The following THEMIS variants were observed in gnomAD, a reference collection of about 807,000 sequenced individuals.
The protein encoded by THEMIS is thymocyte selection associated.
A neutral mutation model predicts 52.6 loss-of-function variants in THEMIS; 37 were observed. The ratio of observed to expected loss-of-function variants is 0.70; its 90% CI spans 0.54 to 0.93. The LOEUF (loss-of-function observed/expected upper bound fraction) is 0.93, where lower values mean the gene tolerates loss of function less well. THEMIS is among the 40% of genes least tolerant of loss of function. The probability of loss-of-function intolerance (pLI) is 0.00; values close to 1 mark genes in which losing one functional copy is unlikely to be tolerated. For synonymous variants in THEMIS, 292 were observed against 272.7 expected (o/e 1.07, Z -0.70); for missense variants, 808 against 763.1 (o/e 1.06, Z -0.69).
At chr6:127,740,723 G>T (rs938890268) in intron 4 of THEMIS, among the ~76,000 whole-genome samples, 4 of 152,168 alleles carry the variant, frequency 2.6e-5, no homozygotes, top group Non-Finnish European at 5.9e-5. Flanking sequence ...CAAGCAATCT[G>T]TGATGAACAT....
intron 4 of THEMIS, among the ~76,000 whole-genome samples, chr6:127,809,917 A>G (rs1419040003): frequency 1.3e-5 from 2 of 150,884 alleles, no homozygotes; most frequent in Non-Finnish European, 3.0e-5. Flanking sequence ...TGGCTCCAGA[A>G]CCTCTTAACA....
intron 2 of THEMIS, among the ~76,000 whole-genome samples, chr6:127,830,554 C>T (rs969583090): frequency 7.2e-5 from 11 of 151,822 alleles, no homozygotes; most frequent in Admixed American, 3.3e-4. Flanking sequence ...GGTATATTGG[C>T]GTGCACCTTC....
intron 2 of THEMIS, among the ~76,000 whole-genome samples, chr6:127,847,260 CAT>C (rs1401374171): frequency 6.6e-6 from 1 of 151,930 alleles, no homozygotes; most frequent in African/African-American, 2.4e-5. Flanking sequence ...TTCTCTTTAA[CAT>C]AGTACTGGAA....
intron 3 of THEMIS, among the ~76,000 whole-genome samples, chr6:127,829,174 C>A (rs1203029025): frequency 6.6e-6 from 1 of 152,174 alleles, no homozygotes; most frequent in African/African-American, 2.4e-5. Flanking sequence ...TAGCTCTTTT[C>A]TAGTCATATT....
chr6:127,755,659 G>A (rs772866473), intron 4 of THEMIS, among the ~76,000 whole-genome samples: 5 of 152,068 alleles, frequency 3.3e-5, no homozygotes, highest in African/African-American at 7.2e-5. Flanking sequence ...GCACAGAAGA[G>A]GATCCATGTA....
chr6:127,770,268 A>T lies in THEMIS; in HGVS notation c.1758+42615T>A, dbSNP rs112375845. On this transcript the variant is annotated intron_variant, in intron 4 of 5. Coordinates refer to ENST00000368248, the MANE Select transcript of THEMIS (RefSeq NM_001010923.3). ...TGTAAAAGCATTCGTATTTCTCCAC[A>T]TCGTCTCCAGCACCTATTGTTTCCT... Among the ~76,000 whole-genome samples the T allele has an allele frequency of 2.6e-3, 398 of 152,276 alleles. 1 individual carries two copies. The highest frequency in any genetic ancestry group is 8.9e-3 in the African/African-American group (368 of 41,554).
At chr6:127,826,876 T>TC (rs1778524861) in intron 3 of THEMIS, among the ~76,000 whole-genome samples, 1 of 152,112 alleles carries the variant, frequency 6.6e-6, no homozygotes, top group Admixed American at 6.5e-5. Context: ...GTTGGGGGGT[T>TC]CAGACCTATG....
At position 127,901,049 on chromosome 6, in the gene THEMIS, G is replaced by A. The variant is rs930703925; in HGVS notation, c.-117C>T. 1.9e-5 allele frequency: 15 copies of A among 807,164 alleles called. No homozygotes were observed. The highest frequency in any genetic ancestry group is 3.2e-5 in the Non-Finnish European group (15 of 468,378). The allele number at this position is 807,164 out of a possible 1,614,324, so 50.0% of individuals were successfully genotyped here. On this transcript the variant is annotated 5_prime_UTR_variant, in exon 1 of 6. Transcript: ENST00000368248. Reference sequence around the variant, plus strand: ...ATTTCTTCCTCAGGCAGGCAGGAATGTCACACTACAGCCAGAGTGGGGTGG... The same window carrying A: ...ATTTCTTCCTCAGGCAGGCAGGAATATCACACTACAGCCAGAGTGGGGTGG...
intron 1 of THEMIS, among the ~76,000 whole-genome samples, chr6:127,883,816 A>G (rs1416052740): frequency 6.6e-6 from 1 of 152,152 alleles, no homozygotes; most frequent in Non-Finnish European, 1.5e-5. Context: ...AGGCTACGTT[A>G]TAATGTTTAG....
At chr6:127,788,008 G>A (rs1016080371) in intron 4 of THEMIS, among the ~76,000 whole-genome samples, 2 of 149,260 alleles carry the variant, frequency 1.3e-5, no homozygotes, top group Non-Finnish European at 3.0e-5. Flanking sequence ...CACTGAGAAG[G>A]CTATGAGAGA....
intron 1 of THEMIS, among the ~76,000 whole-genome samples, chr6:127,870,314 C>T (rs1780118816): frequency 6.6e-6 from 1 of 152,140 alleles, no homozygotes; most frequent in Admixed American, 6.6e-5. Context: ...GGTCAGCACT[C>T]CCATTTCACA....
chr6:127,828,758 C>G lies in THEMIS; in HGVS notation c.709+718G>C, dbSNP rs377740272. Reference sequence around the variant, plus strand: ...CACGAGGTCAAGAGATCGAGACCATCCTGGCCAACATGGTGAAACCCTGTC... The same window carrying G: ...CACGAGGTCAAGAGATCGAGACCATGCTGGCCAACATGGTGAAACCCTGTC... On this transcript the variant is annotated intron_variant, in intron 3 of 5. Coordinates refer to ENST00000368248, the MANE Select transcript of THEMIS (RefSeq NM_001010923.3). 2.0e-4 allele frequency among the ~76,000 whole-genome samples: 30 copies of G among 152,242 alleles called. No individual in the cohort carries two copies. In the South Asian group the frequency reaches 6.0e-3, roughly 31 times the overall value.
chr6:127,861,735 G>T (rs1779802816), intron 1 of THEMIS, among the ~76,000 whole-genome samples: 1 of 134,544 alleles, frequency 7.4e-6, no homozygotes, highest in Non-Finnish European at 1.5e-5. Flanking sequence ...AGTGAGCTGA[G>T]ATTGCACCAC....
intron 5 of THEMIS, among the ~76,000 whole-genome samples, chr6:127,714,739 C>G (rs1328190787): frequency 6.6e-6 from 1 of 151,908 alleles, no homozygotes; most frequent in Non-Finnish European, 1.5e-5. Context: ...CATCCCCCAG[C>G]ACCTCATGGA....
chr6:127,731,302 G>A (rs143489293), intron 4 of THEMIS, among the ~76,000 whole-genome samples: 23 of 152,132 alleles, frequency 1.5e-4, no homozygotes, highest in African/African-American at 5.5e-4. Flanking sequence ...ACAGAATAAT[G>A]GCTTCTCCAA....
rs1778407921 is a variant in THEMIS at position 127,823,472 on chromosome 6, CAT to C, written c.709+6002_709+6003del. Among the ~76,000 whole-genome samples, 4 of 152,210 alleles carry C rather than the reference CAT, an allele frequency of 2.6e-5. No homozygotes were observed. In the South Asian group the frequency reaches 8.3e-4, roughly 32 times the overall value. On this transcript the variant is annotated intron_variant, in intron 3 of 5. Coordinates refer to ENST00000368248, the MANE Select transcript of THEMIS (RefSeq NM_001010923.3). Reference sequence around the variant, plus strand: ...TAAAGAGGAGCTTTGTACTGTGAAACATAAATATACACGCATAAACAATGTGT... The same window carrying C: ...TAAAGAGGAGCTTTGTACTGTGAAACAAATATACACGCATAAACAATGTGT...
chr6:127,721,378 T>C (rs1774357165), intron 4 of THEMIS, among the ~76,000 whole-genome samples: 1 of 152,066 alleles, frequency 6.6e-6, no homozygotes, highest in African/African-American at 2.4e-5. Flanking sequence ...ATCTATAGTA[T>C]CCCAGATAAT....
chr6:127,915,055 C>A (rs1280927015), intron 1 of THEMIS, among the ~76,000 whole-genome samples: 3 of 152,086 alleles, frequency 2.0e-5, no homozygotes, highest in Non-Finnish European at 4.4e-5. Context: ...ATTGAGGTCC[C>A]ATTGTAACAG....
intron 1 of THEMIS, among the ~76,000 whole-genome samples, chr6:127,916,406 CAG>C (rs916860248): frequency 6.6e-6 from 1 of 152,140 alleles, no homozygotes; most frequent in Admixed American, 6.5e-5. Context: ...CCTGTCATGG[CAG>C]AGAGGCAACT....
Sources: gnomAD v4.1 joint callset for allele counts (sites outside exome capture counted in the v4.1 genomes callset) on GRCh38, gnomAD v4.1.1 for gene constraint, MANE v1.5 for transcripts, NCBI Gene and HGNC (gene_info 2026-07-23, HGNC 2026-07-21) for gene names.